The following RSF1 variants were observed in gnomAD, a reference collection of about 807,000 sequenced individuals.
RSF1 encodes the protein remodeling and spacing factor 1, also known as HBV pX-associated protein 8.
A neutral mutation model predicts 145.2 loss-of-function variants in RSF1; 13 were observed. That is an observed-to-expected ratio of 0.09 (90% CI 0.06 to 0.14). RSF1 has a LOEUF of 0.14. Ranked by LOEUF, RSF1 falls within the 10% of genes least tolerant of loss-of-function variation. RSF1 has a pLI of 1.00. For missense variants in RSF1, 1,517 were observed against 1,718.2 expected, an observed-to-expected ratio of 0.88 and a Z score of 2.07; for synonymous variants, 577 against 592.6, an observed-to-expected ratio of 0.97 and a Z score of 0.38.
intron 1 of RSF1, among the ~76,000 whole-genome samples, chr11:77,788,170 AAAAAAAATT>A: frequency 7.2e-6 from 1 of 138,234 alleles, no homozygotes; most frequent in Middle Eastern, 3.6e-3. Flanking sequence ...AAAAAAAAAA[AAAAAAAATT>A]AGGGGTAAAA....
At chr11:77,735,888 C>G (rs754705418) in intron 4 of RSF1, among the ~76,000 whole-genome samples, 3 of 152,140 alleles carry the variant, frequency 2.0e-5, no homozygotes, top group Non-Finnish European at 2.9e-5. Flanking sequence ...TACAGGCACA[C>G]GCCACAATGC....
intron 1 of RSF1, among the ~76,000 whole-genome samples, chr11:77,811,628 G>C (rs763830971): frequency 3.9e-5 from 6 of 152,120 alleles, no homozygotes; most frequent in East Asian, 1.9e-4. Context: ...AGAGGCAGGA[G>C]GACGAAGAAA....
intron 5 of RSF1, among the ~76,000 whole-genome samples, chr11:77,706,235 G>A (rs1429047306): frequency 7.7e-6 from 1 of 130,134 alleles, no homozygotes; most frequent in East Asian, 2.2e-4. Context: ...GTGAGACTCT[G>A]TCTCCAAAAA....
intron 1 of RSF1, among the ~76,000 whole-genome samples, chr11:77,788,179 T>TAAAAAAAAAAAA (rs1948479170): frequency 7.0e-5 from 3 of 42,912 alleles, no homozygotes; most frequent in Admixed American, 3.1e-4. Flanking sequence ...AAAAAAAAAT[T>TAAAAAAAAAAAA]AGGGGTAAAA....
rs191914652 is a variant in RSF1, at chr11:77,784,680, G to A, written c.188-19991C>T. ...TTGTTTTGGCAGGTATTTATTTGCAGATTCATCTTATCTTTTTAAGGCCTT... is the reference window on the plus strand; with the variant it reads ...TTGTTTTGGCAGGTATTTATTTGCAAATTCATCTTATCTTTTTAAGGCCTT... On this transcript the variant is annotated intron_variant, in intron 1 of 15. Transcript: ENST00000308488. 7.9e-3 allele frequency among the ~76,000 whole-genome samples: 1,207 copies of A among 152,264 alleles called. 7 individuals carry two copies. The highest frequency in any genetic ancestry group is 0.012 in the Non-Finnish European group (823 of 68,022).
At chr11:77,853,025 T>C in the RSF1 span, among the ~76,000 whole-genome samples, 1 of 152,322 alleles carries the variant, frequency 6.6e-6, no homozygotes, top group South Asian at 2.1e-4. Context: ...TTTTTTGTAT[T>C]GTTGAAAGTG....
intron 1 of RSF1, among the ~76,000 whole-genome samples, chr11:77,820,036 G>A (rs1948837372): frequency 6.6e-6 from 1 of 152,202 alleles, no homozygotes; most frequent in South Asian, 2.1e-4. Context: ...CCAGGTGAAG[G>A]GAGATAAGGA....
At chr11:77,735,091 G>A in intron 4 of RSF1, 1 of 926,198 alleles carries the variant, frequency 1.1e-6, no homozygotes, top group South Asian at 1.4e-5. Flanking sequence ...GGCGGCAGGG[G>A]CCTTGGGGCG....
chr11:77,713,918 C>G (rs1435168046), intron 5 of RSF1, among the ~76,000 whole-genome samples: 4 of 152,138 alleles, frequency 2.6e-5, no homozygotes, highest in Non-Finnish European at 4.4e-5. Flanking sequence ...TTCTTATAAT[C>G]CCAGGAGATT....
the RSF1 span, chr11:77,869,774 T>C: frequency 1.9e-6 from 3 of 1,614,012 alleles, no homozygotes; most frequent in Non-Finnish European, 2.5e-6. Flanking sequence ...GAGAAGGGTG[T>C]ACAGACTCTT....
At chr11:77,709,290 A>T (rs1001370397) in intron 5 of RSF1, among the ~76,000 whole-genome samples, 1 of 152,090 alleles carries the variant, frequency 6.6e-6, no homozygotes, top group Non-Finnish European at 1.5e-5. Flanking sequence ...CACCATCTAT[A>T]CTATATATTT....
chr11:77,764,704 A>G lies in RSF1; in HGVS notation c.188-15T>C. On this transcript the variant is annotated splice_polypyrimidine_tract_variant and intron_variant, in intron 1 of 15. Coordinates refer to ENST00000308488, the MANE Select transcript of RSF1 (RefSeq NM_016578.4). ...TTCTTTTGGTACTTAAAAGAAAGAA[A>G]AAAAATATCATTAGCCAACAAAATA... 3 of 1,428,956 alleles carry G rather than the reference A, an allele frequency of 2.1e-6. No individual in the cohort carries two copies. Among genetic ancestry groups the G allele is most frequent in the Non-Finnish European group, 2.9e-6 (3 of 1,025,578 alleles). 88.5% of individuals were successfully genotyped at this position (1,428,956 alleles called of 1,614,324 possible).
the RSF1 span, among the ~76,000 whole-genome samples, chr11:77,854,422 C>A: frequency 6.6e-6 from 1 of 152,200 alleles, no homozygotes; most frequent in East Asian, 1.9e-4. Context: ...TTCCAAGATA[C>A]AATGGGGTTA....
intron 2 of RSF1, among the ~76,000 whole-genome samples, chr11:77,749,894 G>A (rs1216982235): frequency 6.6e-6 from 1 of 151,800 alleles, no homozygotes; most frequent in East Asian, 1.9e-4. Flanking sequence ...GACTACAGGC[G>A]CCCACCACCA....
chr11:77,741,768 C>T (rs538727145), intron 3 of RSF1, among the ~76,000 whole-genome samples: 119 of 152,230 alleles, frequency 7.8e-4, no homozygotes, highest in Middle Eastern at 6.8e-3. Flanking sequence ...TATCTATAGT[C>T]ACCATGTTAT....
At chr11:77,852,571 T>G in the RSF1 span, among the ~76,000 whole-genome samples, 1 of 152,142 alleles carries the variant, frequency 6.6e-6, no homozygotes, top group Non-Finnish European at 1.5e-5. Flanking sequence ...AACATGAGAT[T>G]TGCGCAGGGA....
the RSF1 span, among the ~76,000 whole-genome samples, chr11:77,857,847 C>T: frequency 6.6e-6 from 1 of 152,030 alleles, no homozygotes; most frequent in African/African-American, 2.4e-5. Context: ...CAGGTGCGCA[C>T]CACCATGCCC....
Position 77,667,398 on chromosome 11 carries a change from G to A in RSF1, c.3845C>T (p.Ser1282Leu), listed in dbSNP as rs1959394257. The A allele has an allele frequency of 6.2e-7, 1 of 1,613,858 alleles. No homozygotes were observed. The highest frequency in any genetic ancestry group is 1.3e-5 in the African/African-American group (1 of 74,904). ...RKRGRSTDEY[S>L]EADEEEEEEE... ...TTCCTCCTCCTCCTCATCTGCTTCTGAATACTCGTCTGTGCTTCGGCCCCG... is the reference window on the plus strand; with the variant it reads ...TTCCTCCTCCTCCTCATCTGCTTCTAAATACTCGTCTGTGCTTCGGCCCCG... The change falls in exon 16 of 16, where the codon TCA (serine) becomes TTA (leucine). Residue 1282 changes from serine to leucine, a missense_variant. Physicochemically the swap from Ser to Leu is moderately radical, Grantham distance 145. Coordinates refer to ENST00000308488, the MANE Select transcript of RSF1 (RefSeq NM_016578.4).
upstream of RSF1, among the ~76,000 whole-genome samples, chr11:77,825,125 C>T (rs200799999): frequency 9.2e-5 from 14 of 152,164 alleles, no homozygotes; most frequent in Non-Finnish European, 1.5e-4. Context: ...GGGCTACAGG[C>T]GTCTGCCACC....
Sources: gnomAD v4.1 joint callset for allele counts (sites outside exome capture counted in the v4.1 genomes callset) on GRCh38, gnomAD v4.1.1 for gene constraint, MANE v1.5 for transcripts, NCBI Gene and HGNC (gene_info 2026-07-23, HGNC 2026-07-21) for gene names.